CXorf58: variants seen among roughly 807,000 people sequenced by gnomAD.
CXorf58 encodes the protein uncharacterized protein CXorf58.
Under a neutral mutation model 26.0 loss-of-function variants are expected in CXorf58, and 24 were observed. The ratio of observed to expected loss-of-function variants is 0.92; its 90% confidence interval spans 0.67 to 1.30. The LOEUF is 1.30. Among genes scored for constraint, CXorf58 ranks in the 50% most tolerant of loss-of-function variants. CXorf58 has a pLI of 0.00. For synonymous variants in CXorf58, 87 were observed against 86.1 expected (o/e 1.01, Z -0.06); for missense variants, 236 against 263.9 (o/e 0.89, Z 0.73).
intron 5 of CXorf58, among the ~76,000 whole-genome samples, chrX:23,925,843 C>T (rs1255323926): frequency 2.2e-5 from 2 of 89,478 alleles, no homozygotes; most frequent in Non-Finnish European, 4.2e-5. Flanking sequence ...GGCTGGAGTA[C>T]AGTGGCATGA....
intron 7 of CXorf58, among the ~76,000 whole-genome samples, chrX:23,936,014 G>A (rs747819735): frequency 5.4e-5 from 6 of 110,551 alleles, no homozygotes; most frequent in South Asian, 7.8e-4. Flanking sequence ...CTTGTGATCC[G>A]GCCACCTCAG....
At position 23,935,252 on chromosome X, in the gene CXorf58, G is replaced by A; in HGVS notation, c.612G>A (p.Trp204Ter). 6 of 1,211,186 alleles carry A rather than the reference G, an allele frequency of 5.0e-6. No individual in the cohort carries two copies. Among genetic ancestry groups the A allele is most frequent in the South Asian group, 1.8e-5 (1 of 56,965 alleles). ...TTTCTGGCGGCAGAAATAACAGCTGGCGCAAATTAAATCTTGAAAATATTC... is the reference window on the plus strand; with the variant it reads ...TTTCTGGCGGCAGAAATAACAGCTGACGCAAATTAAATCTTGAAAATATTC... ...PAFSGGRNNSWRKLNLENIPR... is the reference protein window; with the variant it reads ...PAFSGGRNNS Residue 204 changes from tryptophan (W) to a stop codon, truncating the protein, a stop_gained, in exon 7 of 9, where the codon TGG (tryptophan) becomes TGA (stop). Transcript: ENST00000379211. LOFTEE classifies it high-confidence loss of function.
At position 23,938,671 on chromosome X, in the gene CXorf58, G is replaced by A. The variant is rs1928355037; in HGVS notation, c.910G>A (p.Ala304Thr). 8.5e-7 allele frequency: 1 copy of A among 1,177,922 alleles called. No homozygotes were observed. Among genetic ancestry groups the A allele is most frequent in the African/African-American group, 1.8e-5 (1 of 55,720 alleles). ...KVEKMRKVYL[A>T]KEKNTSEVTE... Reference sequence around the variant, plus strand: ...TGAAAAAATGAGAAAAGTTTATTTGGCTAAAGAAAAAAATACTTCTGAGGT... The same window carrying A: ...TGAAAAAATGAGAAAAGTTTATTTGACTAAAGAAAAAAATACTTCTGAGGT... Residue 304 changes from alanine to threonine, a missense_variant, in exon 8 of 9, where the codon GCT (alanine) becomes ACT (threonine). Ala to Thr is a moderately conservative substitution (Grantham distance 58). Coordinates refer to ENST00000379211, the MANE Select transcript of CXorf58 (RefSeq NM_152761.3).
chrX:23,916,471 C>A (rs1601959175), intron 5 of CXorf58, 143 bp downstream of exon 5: 3 of 274,528 alleles, frequency 1.1e-5, no homozygotes, highest in South Asian at 8.4e-5. Context: ...TTTTAAGCAC[C>A]ATGTTTCAAA....
chrX:23,938,079 G>A (rs1170425939), intron 7 of CXorf58, among the ~76,000 whole-genome samples: 3 of 107,953 alleles, frequency 2.8e-5, no homozygotes, highest in African/African-American at 1.0e-4. Context: ...TAGTAGAGAC[G>A]GTTTCACCAT....
intron 5 of CXorf58, among the ~76,000 whole-genome samples, chrX:23,917,761 G>A (rs1036185520): frequency 5.3e-5 from 6 of 112,709 alleles, no homozygotes; most frequent in African/African-American, 1.9e-4. Flanking sequence ...ACCACAAATT[G>A]TGTCTACAGT....
chrX:23,909,450 A>AT (rs1474684631), intron 1 of CXorf58, among the ~76,000 whole-genome samples: 1 of 112,264 alleles, frequency 8.9e-6, no homozygotes, highest in Non-Finnish European at 1.9e-5. Flanking sequence ...TACAGTAGTT[A>AT]TTAGAGCTCA....
chrX:23,925,864 C>T (rs768186649), intron 5 of CXorf58, among the ~76,000 whole-genome samples: 68 of 99,038 alleles, frequency 6.9e-4, no homozygotes, highest in Admixed American at 4.4e-3. Context: ...TCTCGGCTCA[C>T]TGCAACCTCC....
chrX:23,927,152 T>C (rs1275602496), intron 5 of CXorf58, 87 bp from the exon 6 acceptor site: 15 of 570,023 alleles, frequency 2.6e-5, no homozygotes, highest in Non-Finnish European at 4.0e-5. Flanking sequence ...ATATTTGATG[T>C]ATTTGTCAGA....
chrX:23,909,592 G>T (rs1927516042), intron 1 of CXorf58, among the ~76,000 whole-genome samples: 1 of 111,666 alleles, frequency 9.0e-6, no homozygotes, highest in Non-Finnish European at 1.9e-5. Flanking sequence ...TCTTAGAAGA[G>T]ATCTGTCCAT....
At chrX:23,913,670 C>T (rs1013282777) in intron 3 of CXorf58, among the ~76,000 whole-genome samples, 2 of 110,829 alleles carry the variant, frequency 1.8e-5, no homozygotes, top group Admixed American at 9.6e-5. Context: ...TTTAGGAGGC[C>T]GAGGCGGGTG....
At chrX:23,915,206 CATA>C (rs760133275) in intron 3 of CXorf58, among the ~76,000 whole-genome samples, 5 of 112,364 alleles carry the variant, frequency 4.4e-5, no homozygotes, top group South Asian at 3.7e-4. Flanking sequence ...AGGCACCTAA[CATA>C]GTAGTATATG....
intron 3 of CXorf58, among the ~76,000 whole-genome samples, chrX:23,912,281 A>G (rs1322042958): frequency 1.8e-5 from 2 of 111,466 alleles, no homozygotes; most frequent in Non-Finnish European, 3.8e-5. Flanking sequence ...TGGATCTAAT[A>G]ATATCACGTG....
Position 23,938,695 on chromosome X carries a change from G to A in CXorf58, c.934G>A (p.Val312Met), listed in dbSNP as rs768282664. 5 of 1,148,199 alleles carry A rather than the reference G, an allele frequency of 4.4e-6. No homozygotes were observed. In the East Asian group the frequency reaches 1.5e-4, roughly 35 times the overall value. The allele number at this position is 1,148,199 out of a possible 1,213,427, so 94.6% of individuals were successfully genotyped here. Residue 312 changes from valine to methionine, a missense_variant, in exon 8 of 9, where the codon GTG (valine) becomes ATG (methionine). Coordinates refer to ENST00000379211, the MANE Select transcript of CXorf58 (RefSeq NM_152761.3). ...YLAKEKNTSE[V>M]TEPKTGPSGT... ...GGCTAAAGAAAAAAATACTTCTGAG[G>A]TGACTGTAAGTTTAACTTGTACTGA...
intron 6 of CXorf58, among the ~76,000 whole-genome samples, chrX:23,934,744 G>A (rs1370978843): frequency 1.8e-5 from 2 of 109,723 alleles, no homozygotes; most frequent in South Asian, 3.9e-4. Context: ...GGCTGGTCTC[G>A]AACTCCCGAC....
chrX:23,924,944 G>A (rs1172979566), intron 5 of CXorf58, among the ~76,000 whole-genome samples: 1 of 111,032 alleles, frequency 9.0e-6, no homozygotes, highest in African/African-American at 3.3e-5. Flanking sequence ...CTATAAGACA[G>A]TAATATAGTG....
At chrX:23,921,941 G>T (rs1388747126) in intron 5 of CXorf58, among the ~76,000 whole-genome samples, 5 of 110,081 alleles carry the variant, frequency 4.5e-5, no homozygotes, top group Admixed American at 9.8e-5. Context: ...GGCCTCAAGC[G>T]ATCTGCCCAC....
At chrX:23,917,479 G>A (rs1209525193) in intron 5 of CXorf58, among the ~76,000 whole-genome samples, 1 of 106,829 alleles carries the variant, frequency 9.4e-6, no homozygotes, top group Non-Finnish European at 1.9e-5. Flanking sequence ...GTGCAATGGT[G>A]CGATCTCAGC....
chrX:23,938,667 T>C lies in CXorf58; in HGVS notation c.906T>C (p.Tyr302=). ...QMKVEKMRKV[Y]LAKEKNTSEV... is the part of the protein sequence containing the mutation. ...AAGTTGAAAAAATGAGAAAAGTTTA[T>C]TTGGCTAAAGAAAAAAATACTTCTG... Residue 302 remains tyrosine, a synonymous_variant, in exon 8 of 9, where the codon TAT becomes TAC. Coordinates refer to ENST00000379211, the MANE Select transcript of CXorf58 (RefSeq NM_152761.3). The C allele has an allele frequency of 8.4e-7, 1 of 1,184,738 alleles. No homozygotes were observed. The highest frequency in any genetic ancestry group is 3.0e-5 in the East Asian group (1 of 33,565).
Sources: allele counts gnomAD v4.1 joint callset (sites outside exome capture counted in the v4.1 genomes callset), GRCh38; gene constraint gnomAD v4.1.1; transcripts MANE v1.5; gene names NCBI Gene and HGNC (gene_info 2026-07-23, HGNC 2026-07-21).